PDE1C: variants seen among roughly 807,000 people sequenced by gnomAD.
PDE1C encodes the protein phosphodiesterase 1C.
PDE1C carries 62 observed loss-of-function variants against 93.1 expected under a neutral mutation model. The ratio of observed to expected loss-of-function variants is 0.67; its 90% confidence interval spans 0.54 to 0.82. The LOEUF is 0.82. Among genes scored for constraint, PDE1C ranks in the 40% least tolerant of loss-of-function variants. PDE1C has a pLI of 0.00. For synonymous variants in PDE1C, 325 were observed against 310.1 expected (o/e 1.05, Z -0.50); for missense variants, 742 against 884.6 (o/e 0.84, Z 2.04).
At chr7:31,819,459 C>G (rs1788683747) in intron 14 of PDE1C, among the ~76,000 whole-genome samples, 2 of 152,058 alleles carry the variant, frequency 1.3e-5, no homozygotes, top group Admixed American at 1.3e-4. Context: ...AGCAAGTATA[C>G]AGAGAATTCA....
At chr7:32,245,468 C>T (rs1808857018) in intron 1 of PDE1C, among the ~76,000 whole-genome samples, 1 of 152,186 alleles carries the variant, frequency 6.6e-6, no homozygotes, top group African/African-American at 2.4e-5. Flanking sequence ...CATTTTCTGT[C>T]CCTTCTCCAG....
chr7:31,690,385 G>C, the PDE1C span, among the ~76,000 whole-genome samples: 1 of 152,184 alleles, frequency 6.6e-6, no homozygotes, highest in Non-Finnish European at 1.5e-5. Context: ...GGAAACTCAG[G>C]GTAAGCTCGG....
the PDE1C span, among the ~76,000 whole-genome samples, chr7:31,688,924 T>C: frequency 1.3e-5 from 2 of 152,228 alleles, no homozygotes; most frequent in South Asian, 2.1e-4. Context: ...AAAAGGTTTG[T>C]TGTTAAGTTC....
intron 1 of PDE1C, among the ~76,000 whole-genome samples, chr7:32,236,595 C>T (rs564462093): frequency 3.3e-5 from 5 of 152,208 alleles, no homozygotes; most frequent in African/African-American, 1.2e-4. Flanking sequence ...ATTAAAACCA[C>T]CGTGCGATAC....
intron 3 of PDE1C, among the ~76,000 whole-genome samples, chr7:32,152,296 A>T (rs1801308619): frequency 6.6e-6 from 1 of 152,136 alleles, no homozygotes; most frequent in Non-Finnish European, 1.5e-5. Flanking sequence ...TTCTGAACCC[A>T]CTTTGCTAGG....
At position 31,848,078 on chromosome 7, in the gene PDE1C, C is replaced by T; in HGVS notation, c.870G>A (p.Leu290=). 1.2e-6 allele frequency: 2 copies of T among 1,612,930 alleles called. No individual in the cohort carries two copies. The highest frequency in any genetic ancestry group is 2.2e-5 in the South Asian group (2 of 91,062). Residue 290 remains leucine, a synonymous_variant, in exon 9 of 18, where the codon CTG becomes CTA. Coordinates refer to ENST00000396191, the MANE Select transcript of PDE1C (RefSeq NM_001191057.4). ...HIQTRSDPAI[L]YNDRSVLENH... ...TCTCCAGTACAGATCTGTCATTATA[C>T]AGAATAGCTGGATCAGACCTGAACA...
intron 2 of PDE1C, among the ~76,000 whole-genome samples, chr7:32,193,910 T>C (rs1438329161): frequency 1.6e-5 from 2 of 123,026 alleles, no homozygotes; most frequent in Non-Finnish European, 3.5e-5. Context: ...TTTTTGGTTT[T>C]GTTTTGTTTT....
At chr7:31,655,206 C>G in the PDE1C span, among the ~76,000 whole-genome samples, 112 of 152,276 alleles carry the variant, frequency 7.4e-4, no homozygotes, top group African/African-American at 2.6e-3. Flanking sequence ...CTCAGTTCAT[C>G]TTCCTGATCC....
At chr7:32,125,401 A>G (rs376876586) in intron 3 of PDE1C, among the ~76,000 whole-genome samples, 38 of 152,352 alleles carry the variant, frequency 2.5e-4, no homozygotes, top group South Asian at 4.1e-4. Flanking sequence ...TCGTTCTACT[A>G]TAAAGATGCA....
the PDE1C span, among the ~76,000 whole-genome samples, chr7:31,726,181 G>A: frequency 1.3e-4 from 20 of 152,124 alleles, no homozygotes; most frequent in Admixed American, 1.1e-3. Context: ...CATTTCTCCC[G>A]CTTTAATCTC....
intron 1 of PDE1C, 73 bp downstream of exon 1, chr7:32,070,220 G>A: frequency 5.0e-6 from 8 of 1,602,368 alleles, no homozygotes; most frequent in Non-Finnish European, 6.8e-6. Flanking sequence ...GTGAGCAGTC[G>A]TGACTGCGGC....
the PDE1C span, among the ~76,000 whole-genome samples, chr7:31,721,904 A>G: frequency 6.6e-6 from 1 of 152,210 alleles, no homozygotes; most frequent in South Asian, 2.1e-4. Context: ...CTCTCATTTT[A>G]TCTTCACAAC....
chr7:31,901,230 T>G (rs1209157270), intron 2 of PDE1C, among the ~76,000 whole-genome samples: 2 of 151,538 alleles, frequency 1.3e-5, no homozygotes, highest in East Asian at 1.9e-4. Context: ...ATTTCATTAC[T>G]TTTAGATTAT....
intron 1 of PDE1C, among the ~76,000 whole-genome samples, chr7:32,334,848 T>C (rs1041616121): frequency 9.9e-5 from 15 of 152,186 alleles, no homozygotes; most frequent in Non-Finnish European, 2.1e-4. Context: ...CTTTGAATGA[T>C]AGGATTGTGG....
At chr7:32,010,069 G>A (rs1421800110) in intron 2 of PDE1C, among the ~76,000 whole-genome samples, 1 of 152,200 alleles carries the variant, frequency 6.6e-6, no homozygotes, top group African/African-American at 2.4e-5. Flanking sequence ...TAGGTCAGAA[G>A]ACGTGATATT....
At chr7:31,700,641 A>C in the PDE1C span, among the ~76,000 whole-genome samples, 1 of 152,190 alleles carries the variant, frequency 6.6e-6, no homozygotes, top group African/African-American at 2.4e-5. Context: ...TAGGCCATTC[A>C]TAGCTGGAAA....
chr7:32,372,877 C>A (rs1395498764), intron 1 of PDE1C, among the ~76,000 whole-genome samples: 2 of 152,162 alleles, frequency 1.3e-5, no homozygotes, highest in Non-Finnish European at 2.9e-5. Context: ...CATCATTAGC[C>A]ATTAGGGAAA....
intron 1 of PDE1C, among the ~76,000 whole-genome samples, chr7:32,221,414 T>C (rs1806853337): frequency 6.6e-6 from 1 of 152,174 alleles, no homozygotes; most frequent in African/African-American, 2.4e-5. Context: ...CCAAACAGGC[T>C]GGGAGTTTCC....
intron 16 of PDE1C, among the ~76,000 whole-genome samples, chr7:31,799,570 A>G (rs1785734081): frequency 6.6e-6 from 1 of 151,760 alleles, no homozygotes; most frequent in African/African-American, 2.4e-5. Flanking sequence ...AAAAATTAAA[A>G]AAGAAAAAAA....
Sources: gnomAD v4.1 joint callset for allele counts (sites outside exome capture counted in the v4.1 genomes callset) on GRCh38, gnomAD v4.1.1 for gene constraint, MANE v1.5 for transcripts, NCBI Gene and HGNC (gene_info 2026-07-23, HGNC 2026-07-21) for gene names.